Variants in NT5C2 observed in about 807,000 individuals in gnomAD.
The protein encoded by NT5C2 is cytosolic purine 5'-nucleotidase.
In NT5C2, 58 loss-of-function variants were observed where a neutral mutation model predicts 76.1. The observed-to-expected ratio is 0.76, with a 90% CI of 0.62 to 0.95. The LOEUF (loss-of-function observed/expected upper bound fraction) is 0.95, where lower values mean the gene tolerates loss of function less well. Among genes scored for constraint, NT5C2 ranks in the 40% least tolerant of loss-of-function variants. NT5C2 has a pLI of 0.00. For synonymous variants in NT5C2, 229 were observed against 237.4 expected, an observed-to-expected ratio of 0.96 and a Z score of 0.32; for missense variants, 478 against 690.3, an observed-to-expected ratio of 0.69 and a Z score of 3.45.
intron 1 of NT5C2, among the ~76,000 whole-genome samples, chr10:103,184,295 G>C (rs1332807851): frequency 6.6e-6 from 1 of 152,076 alleles, no homozygotes; most frequent in Non-Finnish European, 1.5e-5. Flanking sequence ...TTCATTCAGA[G>C]TTCTTTATGT....
chr10:103,169,207 A>G (rs889746399), intron 3 of NT5C2: 5 of 152,222 alleles, frequency 3.3e-5, no homozygotes, highest in Non-Finnish European at 7.3e-5. Context: ...TAGCCATTCC[A>G]TATCAACTTG....
chr10:103,165,010 T>G (rs2086009180), intron 3 of NT5C2, among the ~76,000 whole-genome samples: 1 of 152,252 alleles, frequency 6.6e-6, no homozygotes, highest in Non-Finnish European at 1.5e-5. Context: ...GTGGTATCAC[T>G]GCACATTTTT....
At chr10:103,176,719 G>C (rs888913221) in intron 2 of NT5C2, among the ~76,000 whole-genome samples, 1 of 152,126 alleles carries the variant, frequency 6.6e-6, no homozygotes, top group East Asian at 1.9e-4. Flanking sequence ...TGTTGGCCAG[G>C]CTGGTCTCGA....
chr10:103,159,835 A>C (rs533521097), intron 3 of NT5C2, among the ~76,000 whole-genome samples: 2 of 152,310 alleles, frequency 1.3e-5, no homozygotes, highest in Admixed American at 1.3e-4. Context: ...AATACTTCTC[A>C]AAGTTATATA....
chr10:103,093,118 A>G, intron 15 of NT5C2, 21 bp downstream of exon 15: 3 of 1,535,898 alleles, frequency 2.0e-6, no homozygotes, highest in Non-Finnish European at 1.7e-6. Context: ...AAATTACACC[A>G]AAGATTTATG....
chr10:103,152,756 G>A, intron 3 of NT5C2, among the ~76,000 whole-genome samples: 1 of 152,092 alleles, frequency 6.6e-6, no homozygotes, highest in East Asian at 1.9e-4. Context: ...TTCAGACTCT[G>A]AAGCATAAGA....
chr10:103,162,121 C>T (rs2085057895), intron 3 of NT5C2, among the ~76,000 whole-genome samples: 2 of 151,998 alleles, frequency 1.3e-5, no homozygotes, highest in Admixed American at 1.3e-4. Context: ...GTTCAAGTGA[C>T]TCTCCTGCCT....
At chr10:103,184,073 CT>C (rs2091691702) in intron 1 of NT5C2, among the ~76,000 whole-genome samples, 1 of 151,992 alleles carries the variant, frequency 6.6e-6, no homozygotes, top group South Asian at 2.1e-4. Context: ...CTGCGTCAGC[CT>C]CCCAAGTAGC....
chr10:103,191,676 C>G (rs1457160670), intron 1 of NT5C2, among the ~76,000 whole-genome samples: 3 of 152,000 alleles, frequency 2.0e-5, no homozygotes, highest in Admixed American at 2.0e-4. Flanking sequence ...AACCTTTGAA[C>G]TGAAAGGAAT....
chr10:103,156,843 G>A (rs2083514970), intron 3 of NT5C2, among the ~76,000 whole-genome samples: 1 of 151,642 alleles, frequency 6.6e-6, no homozygotes, highest in South Asian at 2.1e-4. Context: ...AGATCACGAG[G>A]TCAGGAGATG....
At chr10:103,108,607 T>C (rs1002023730) in intron 4 of NT5C2, among the ~76,000 whole-genome samples, 5 of 152,226 alleles carry the variant, frequency 3.3e-5, no homozygotes, top group African/African-American at 1.2e-4. Flanking sequence ...CATGTACTTC[T>C]TGTACCTTTA....
At chr10:103,150,024 AG>A (rs1422814965) in intron 3 of NT5C2, among the ~76,000 whole-genome samples, 1 of 152,172 alleles carries the variant, frequency 6.6e-6, no homozygotes. Flanking sequence ...TTAAATCAGC[AG>A]GATGAGGAGC....
intron 3 of NT5C2, among the ~76,000 whole-genome samples, chr10:103,169,010 T>C (rs2087104948): frequency 1.5e-5 from 2 of 134,994 alleles, no homozygotes; most frequent in South Asian, 4.6e-4. Flanking sequence ...AAATGGTTTC[T>C]ATTTAAAATT....
intron 3 of NT5C2, among the ~76,000 whole-genome samples, chr10:103,145,758 G>C (rs2081357814): frequency 6.6e-6 from 1 of 152,036 alleles, no homozygotes; most frequent in Non-Finnish European, 1.5e-5. Context: ...TAGGTGACAG[G>C]AACACTCTAA....
At chr10:103,154,387 T>A (rs905045168) in intron 3 of NT5C2, among the ~76,000 whole-genome samples, 10 of 151,632 alleles carry the variant, frequency 6.6e-5, no homozygotes, top group African/African-American at 2.4e-4. Context: ...CTAAATACTA[T>A]AAATTCAAAA....
At chr10:103,137,644 C>T (rs894714671) in intron 4 of NT5C2, among the ~76,000 whole-genome samples, 1 of 152,092 alleles carries the variant, frequency 6.6e-6, no homozygotes, top group African/African-American at 2.4e-5. Flanking sequence ...TGTGTAAAGA[C>T]AAAATTTTTT....
intron 2 of NT5C2, among the ~76,000 whole-genome samples, chr10:103,180,526 G>C (rs1172660542): frequency 6.6e-6 from 1 of 152,138 alleles, no homozygotes; most frequent in Non-Finnish European, 1.5e-5. Context: ...GAACCCAGGA[G>C]TTCAAGAGCA....
chr10:103,140,477 C>G (rs2136304855), intron 3 of NT5C2, among the ~76,000 whole-genome samples: 1 of 152,260 alleles, frequency 6.6e-6, no homozygotes, highest in South Asian at 2.1e-4. Context: ...CATCTCCTAG[C>G]TATTCTAAAT....
Position 103,089,003 on chromosome 10 carries a change from T to C in NT5C2, c.*669A>G, listed in dbSNP as rs772767023. ...AAGGAGGTTGTTTTTGGATAACAAA[T>C]AAGCATTTGTGCTATTAAACAAACA... On this transcript the variant is annotated 3_prime_UTR_variant, in exon 19 of 19. Coordinates refer to ENST00000404739, the MANE Select transcript of NT5C2 (RefSeq NM_001351169.2). The C allele has an allele frequency of 4.7e-6, 1 of 210,996 alleles. No individual in the cohort carries two copies. The highest frequency in any genetic ancestry group is 9.6e-6 in the Non-Finnish European group (1 of 103,982). The allele number at this position is 210,996 out of a possible 1,614,324, so 13.1% of individuals were successfully genotyped here.
Sources: allele counts gnomAD v4.1 joint callset (sites outside exome capture counted in the v4.1 genomes callset), GRCh38; gene constraint gnomAD v4.1.1; transcripts MANE v1.5; gene names NCBI Gene and HGNC (gene_info 2026-07-23, HGNC 2026-07-21).